VAMP1: variants seen among roughly 807,000 people sequenced by gnomAD.
The protein encoded by VAMP1 is vesicle-associated membrane protein 1.
In VAMP1, 16 loss-of-function variants were observed where a neutral mutation model predicts 19.1. That is an observed-to-expected ratio of 0.84 (90% CI 0.57 to 1.27). VAMP1 has a LOEUF of 1.27. Among genes scored for constraint, VAMP1 ranks in the 50% most tolerant of loss-of-function variants. VAMP1 has a pLI of 0.00. For missense variants in VAMP1, 109 were observed against 145.4 expected (o/e 0.75, Z 1.29); for synonymous variants, 37 against 50.2 (o/e 0.74, Z 1.11).
chr12:6,466,571 A>T (rs995460961), intron 1 of VAMP1: 6 of 436,076 alleles, frequency 1.4e-5, no homozygotes, highest in Non-Finnish European at 2.5e-5. Context: ...CAAACCACTT[A>T]AACAATTATG....
rs1362197699 is a variant in VAMP1, at chr12:6,463,133, G to A, written c.*1337C>T. 2.0e-6 allele frequency: 3 copies of A among 1,485,978 alleles called. No homozygotes were observed. The allele number at this position is 1,485,978 out of a possible 1,614,324, so 92.0% of individuals were successfully genotyped here. On this transcript the variant is annotated 3_prime_UTR_variant, in exon 5 of 5. Coordinates refer to ENST00000396308, the MANE Select transcript of VAMP1 (RefSeq NM_014231.5). The surrounding 1 kb of genome is among the most constrained non-coding windows in gnomAD (Gnocchi z 4.0). ...TAGGCTGAGCAGATCCCATCCTCAGGTTCCACTGTCTATACACACAAACCA... is the reference window on the plus strand; with the variant it reads ...TAGGCTGAGCAGATCCCATCCTCAGATTCCACTGTCTATACACACAAACCA...
Position 6,470,456 on chromosome 12 carries a change from C to T in VAMP1, c.2+74G>A. On this transcript the variant is annotated intron_variant, in intron 1 of 4. Coordinates refer to ENST00000396308, the MANE Select transcript of VAMP1 (RefSeq NM_014231.5). ...GCAGCTGCTGCATTGCGCCATTTTC[C>T]GTCCCGCAGAATCGGGAGCTTGGGG... The T allele has an allele frequency of 3.1e-6, 5 of 1,605,616 alleles. No individual in the cohort carries two copies. In the South Asian group the frequency reaches 5.5e-5, roughly 18 times the overall value.
Position 6,463,491 on chromosome 12 carries a change from TCCTTCATCAACAGGAAGAGAGGAACAGGA to T in VAMP1, c.*950_*978del. On this transcript the variant is annotated 3_prime_UTR_variant, in exon 5 of 5. Transcript: ENST00000396308. The surrounding 1 kb of genome is among the most constrained non-coding windows in gnomAD (Gnocchi z 4.0). ...TCTCACACTGCTAACACCCTCACGC[TCCTTCATCAACAGGAAGAGAGGAACAGGA>T]CCCTCTTTAACGAGGGCAAGGAGTG... The T allele has an allele frequency of 1.9e-6, 2 of 1,039,040 alleles. No individual in the cohort carries two copies. The highest frequency in any genetic ancestry group is 2.3e-6 in the Non-Finnish European group (2 of 861,634). 64.4% of individuals were successfully genotyped at this position (1,039,040 alleles called of 1,614,324 possible).
At chr12:6,466,384 G>T (rs1296151655) in intron 1 of VAMP1, 33 bp from the exon 2 acceptor site, 1 of 1,588,882 alleles carries the variant, frequency 6.3e-7, no homozygotes, top group Non-Finnish European at 8.6e-7. Context: ...TACACAAAGT[G>T]ACCAAGACAA....
rs186765662 is a variant in VAMP1, at chr12:6,465,059, C to A, written c.289-118G>T. 6.1e-4 allele frequency: 906 copies of A among 1,485,422 alleles called. 3 individuals carry two copies. The Admixed American group carries it at 7.3e-3, about 12-fold the overall frequency. 92.0% of individuals were successfully genotyped at this position (1,485,422 alleles called of 1,614,324 possible). A position where few individuals can be genotyped will look rare whatever the true frequency, so the allele number is the denominator to read the frequency against. ...TGGGACAATGGAAAAAACCACCCAT[C>A]ACCCAGGAGACCTGCAGGCCTCTTA... On this transcript the variant is annotated intron_variant, in intron 3 of 4. Coordinates refer to ENST00000396308, the MANE Select transcript of VAMP1 (RefSeq NM_014231.5).
intron 4 of VAMP1, 79 bp downstream of exon 4, chr12:6,464,811 C>T (rs1232127274): frequency 1.3e-6 from 2 of 1,564,586 alleles, no homozygotes; most frequent in Non-Finnish European, 1.7e-6. Context: ...CCCCACTCCC[C>T]AGGCAGGCAG....
chr12:6,464,782 C>T (rs1268208309), intron 4 of VAMP1, 108 bp downstream of exon 4: 1 of 1,580,154 alleles, frequency 6.3e-7, no homozygotes, highest in Admixed American at 1.8e-5. Flanking sequence ...CAGCGGTCTC[C>T]ATACCTCAGT....
intron 3 of VAMP1, 146 bp downstream of exon 3, chr12:6,465,696 G>A (rs1044044043): frequency 2.6e-6 from 3 of 1,152,732 alleles, no homozygotes; most frequent in African/African-American, 3.1e-5. Context: ...ATCTCAAGAG[G>A]AGGCTTTCCA....
chr12:6,466,185 C>A, intron 2 of VAMP1, 40 bp downstream of exon 2: 1 of 1,613,890 alleles, frequency 6.2e-7, no homozygotes. Context: ...TTCCAAACTC[C>A]TAGATTTGGA....
At chr12:6,464,810 C>T in intron 4 of VAMP1, 80 bp downstream of exon 4, 1 of 1,604,208 alleles carries the variant, frequency 6.2e-7, no homozygotes, top group South Asian at 1.1e-5. Flanking sequence ...GCCCCACTCC[C>T]CAGGCAGGCA....
rs972152808 is a variant in VAMP1 at position 6,470,629 on chromosome 12, C to G, written c.-98G>C. ...GGCTGAAGTGGACGGAACTGCCAAG[C>G]TCCGCCTCGCGCCGACTACCCCGCG... On this transcript the variant is annotated 5_prime_UTR_variant, in exon 1 of 5. Coordinates refer to ENST00000396308, the MANE Select transcript of VAMP1 (RefSeq NM_014231.5). 3 of 1,528,778 alleles carry G rather than the reference C, an allele frequency of 2.0e-6. No individual in the cohort carries two copies. Among genetic ancestry groups the G allele is most frequent in the South Asian group, 1.1e-5 (1 of 87,836 alleles). 94.7% of individuals were successfully genotyped at this position (1,528,778 alleles called of 1,614,324 possible). A position where few individuals can be genotyped will look rare whatever the true frequency, so the allele number is the denominator to read the frequency against.
chr12:6,470,676 C>T lies in VAMP1; in HGVS notation c.-145G>A. The stretch of plus-strand genomic sequence containing the variant: ...CGCGGTCTAGCTGCGCTGGAACTTA[C>T]TGCAGCTGCCGCGCCGGCCTCCGCC... On this transcript the variant is annotated 5_prime_UTR_variant, in exon 1 of 5. Coordinates refer to ENST00000396308, the MANE Select transcript of VAMP1 (RefSeq NM_014231.5). 1 of 1,028,906 alleles carries T rather than the reference C, an allele frequency of 9.7e-7. No homozygotes were observed. The highest frequency in any genetic ancestry group is 1.5e-6 in the Non-Finnish European group (1 of 681,322). The allele number at this position is 1,028,906 out of a possible 1,614,324, so 63.7% of individuals were successfully genotyped here.
At chr12:6,470,386 G>A (rs1223637964) in intron 1 of VAMP1, 144 bp downstream of exon 1, 23 of 1,240,148 alleles carry the variant, frequency 1.9e-5, no homozygotes, top group Non-Finnish European at 2.4e-5. Flanking sequence ...CCCTGGGGGT[G>A]GCCCGGTCCG....
chr12:6,463,128 C>T lies in VAMP1; in HGVS notation c.*1342G>A. The stretch of plus-strand genomic sequence containing the variant: ...GAAGATAGGCTGAGCAGATCCCATC[C>T]TCAGGTTCCACTGTCTATACACACA... On this transcript the variant is annotated 3_prime_UTR_variant, in exon 5 of 5. Transcript: ENST00000396308. The surrounding 1 kb of genome is among the most constrained non-coding windows in gnomAD (Gnocchi z 4.0). 1 of 1,489,800 alleles carries T rather than the reference C, an allele frequency of 6.7e-7. No homozygotes were observed. Among genetic ancestry groups the T allele is most frequent in the South Asian group, 1.3e-5 (1 of 76,260 alleles). 92.3% of individuals were successfully genotyped at this position (1,489,800 alleles called of 1,614,324 possible). A position where few individuals can be genotyped will look rare whatever the true frequency, so the allele number is the denominator to read the frequency against.
intron 1 of VAMP1, 83 bp downstream of exon 1, chr12:6,470,447 G>C: frequency 6.3e-7 from 1 of 1,596,870 alleles, no homozygotes; most frequent in Non-Finnish European, 8.6e-7. Context: ...GCTGCATTGC[G>C]CCATTTTCCG....
chr12:6,470,611 G>C lies in VAMP1; in HGVS notation c.-80C>G, dbSNP rs1243873842. 6 of 1,589,682 alleles carry C rather than the reference G, an allele frequency of 3.8e-6. No individual in the cohort carries two copies. The highest frequency in any genetic ancestry group is 5.2e-6 in the Non-Finnish European group (6 of 1,160,652). ...CCCGGTGAGGGACGCTGCGGCTGAA[G>C]TGGACGGAACTGCCAAGCTCCGCCT... is the stretch of plus-strand genomic sequence containing the variant. On this transcript the variant is annotated 5_prime_UTR_variant, in exon 1 of 5. Coordinates refer to ENST00000396308, the MANE Select transcript of VAMP1 (RefSeq NM_014231.5).
chr12:6,469,117 T>C (rs762013230), intron 1 of VAMP1, among the ~76,000 whole-genome samples: 1 of 152,208 alleles, frequency 6.6e-6, no homozygotes, highest in Non-Finnish European at 1.5e-5. Context: ...TCATTCCCCA[T>C]TTGAAGAATC....
chr12:6,462,673 C>G lies in VAMP1; in HGVS notation c.*1797G>C, dbSNP rs907273750. ...GATTCCTGTGATAGGGCTGGGAGAG[C>G]CAAGAGGACGGATTCGCTCCAGGCT... On this transcript the variant is annotated 3_prime_UTR_variant, in exon 5 of 5. Coordinates refer to ENST00000396308, the MANE Select transcript of VAMP1 (RefSeq NM_014231.5). 16 of 792,426 alleles carry G rather than the reference C, an allele frequency of 2.0e-5. No homozygotes were observed. Among genetic ancestry groups the G allele is most frequent in the African/African-American group, 5.2e-5 (3 of 57,172 alleles). 49.1% of individuals were successfully genotyped at this position (792,426 alleles called of 1,614,324 possible).
rs144896470 is a variant in VAMP1, at chr12:6,466,739, G to A, written c.3-388C>T. On this transcript the variant is annotated intron_variant, in intron 1 of 4. Coordinates refer to ENST00000396308, the MANE Select transcript of VAMP1 (RefSeq NM_014231.5). The stretch of plus-strand genomic sequence containing the variant: ...ATGGCATCAAGACATCTCATCTGGG[G>A]CTATCCTTTGACTCAACTCAAACAA... 6.1e-4 allele frequency: 111 copies of A among 183,118 alleles called. 2 individuals carry two copies. The East Asian group carries it at 0.018, about 30-fold the overall frequency. The allele number at this position is 183,118 out of a possible 1,614,324, so 11.3% of individuals were successfully genotyped here. A position where few individuals can be genotyped will look rare whatever the true frequency, so the allele number is the denominator to read the frequency against.
Sources: allele counts gnomAD v4.1 joint callset (sites outside exome capture counted in the v4.1 genomes callset), GRCh38; gene constraint gnomAD v4.1.1; non-coding constraint Gnocchi (gnomAD v3.1); transcripts MANE v1.5; gene names NCBI Gene and HGNC (gene_info 2026-07-23, HGNC 2026-07-21).